The following IMMP2L variants were observed in gnomAD, a reference collection of about 807,000 sequenced individuals.
IMMP2L encodes inner mitochondrial membrane peptidase subunit 2.
IMMP2L carries 18 observed loss-of-function variants against 19.3 expected under a neutral mutation model. That is an observed-to-expected ratio of 0.93 (90% CI 0.64 to 1.38). The LOEUF is 1.38. Ranked by LOEUF, IMMP2L falls within the 40% of genes most tolerant of loss-of-function variation. The pLI is 0.00. For missense variants in IMMP2L, 233 were observed against 218.2 expected (o/e 1.07, Z -0.43); for synonymous variants, 76 against 73.0 (o/e 1.04, Z -0.21).
At chr7:111,229,343 T>C (rs1409645590) in intron 3 of IMMP2L, among the ~76,000 whole-genome samples, 2 of 152,078 alleles carry the variant, frequency 1.3e-5, no homozygotes, top group Non-Finnish European at 2.9e-5. Context: ...TACGTATGTA[T>C]CCATTGATAC....
At chr7:111,557,846 G>A (rs1369223386) in intron 1 of IMMP2L, among the ~76,000 whole-genome samples, 1 of 151,912 alleles carries the variant, frequency 6.6e-6, no homozygotes, top group Non-Finnish European at 1.5e-5. Flanking sequence ...AAAAGGAGGG[G>A]CGAGGTTAAT....
chr7:111,316,686 T>G (rs760455269), intron 3 of IMMP2L, among the ~76,000 whole-genome samples: 1 of 151,932 alleles, frequency 6.6e-6, no homozygotes, highest in Non-Finnish European at 1.5e-5. Flanking sequence ...GGACATCCGA[T>G]AGTCAAAATG....
chr7:110,942,427 C>T (rs564766534), intron 4 of IMMP2L, among the ~76,000 whole-genome samples: 1 of 151,998 alleles, frequency 6.6e-6, no homozygotes, highest in East Asian at 1.9e-4. Flanking sequence ...GTTTTACGAA[C>T]TTGGTCTCCA....
chr7:110,670,725 C>T (rs1016957767), intron 5 of IMMP2L, among the ~76,000 whole-genome samples: 3 of 151,494 alleles, frequency 2.0e-5, no homozygotes, highest in African/African-American at 7.3e-5. Context: ...AAAAAAAACC[C>T]CTAAACAACA....
intron 2 of IMMP2L, among the ~76,000 whole-genome samples, chr7:111,520,271 C>T (rs549124661): frequency 3.9e-5 from 6 of 152,190 alleles, no homozygotes; most frequent in East Asian, 1.9e-4. Context: ...CTGAAAGACA[C>T]GGTTGAGAGC....
At chr7:110,972,931 T>C (rs545427810) in intron 3 of IMMP2L, among the ~76,000 whole-genome samples, 2 of 152,230 alleles carry the variant, frequency 1.3e-5, no homozygotes, top group South Asian at 4.1e-4. Flanking sequence ...ACTCTTCCTA[T>C]GTTTGTCCTT....
chr7:111,385,520 T>C (rs1324463350), intron 3 of IMMP2L, among the ~76,000 whole-genome samples: 3 of 152,188 alleles, frequency 2.0e-5, no homozygotes, highest in African/African-American at 7.2e-5. Flanking sequence ...CAAGTGGTCC[T>C]TTTCATTGAC....
intron 5 of IMMP2L, among the ~76,000 whole-genome samples, chr7:110,840,704 T>C (rs762742453): frequency 2.0e-5 from 3 of 152,168 alleles, no homozygotes; most frequent in Non-Finnish European, 4.4e-5. Context: ...TTTGTGTATA[T>C]GTAACATATT....
chr7:110,757,466 A>G lies in IMMP2L; in HGVS notation c.409-93745T>C, dbSNP rs1177575551. Reference sequence around the variant, plus strand: ...TTGGATCACCAGATACGCTCTCCACATTTCTCTTGAACTCTTTGTCCCAGG... The same window carrying G: ...TTGGATCACCAGATACGCTCTCCACGTTTCTCTTGAACTCTTTGTCCCAGG... On this transcript the variant is annotated intron_variant, in intron 5 of 5. Transcript: ENST00000405709. The surrounding 1 kb of genome is among the most constrained non-coding windows in gnomAD (Gnocchi z 4.2). 1.3e-5 allele frequency among the ~76,000 whole-genome samples: 2 copies of G among 152,040 alleles called. No individual in the cohort carries two copies. Among genetic ancestry groups the G allele is most frequent in the Non-Finnish European group, 1.5e-5 (1 of 68,002 alleles).
At chr7:111,235,993 G>T (rs936782156) in intron 3 of IMMP2L, among the ~76,000 whole-genome samples, 3 of 151,636 alleles carry the variant, frequency 2.0e-5, no homozygotes, top group Non-Finnish European at 4.4e-5. Flanking sequence ...TTCATCTTAG[G>T]TCCTGTAACA....
chr7:110,722,814 A>G (rs1795656579), intron 5 of IMMP2L, among the ~76,000 whole-genome samples: 1 of 152,154 alleles, frequency 6.6e-6, no homozygotes, highest in Admixed American at 6.6e-5. Flanking sequence ...GAGAATACAG[A>G]TGCTAGAAGG....
At chr7:111,075,116 CTTTTTTTTTTTTTT>C (rs55867543) in intron 3 of IMMP2L, among the ~76,000 whole-genome samples, 1 of 75,292 alleles carries the variant, frequency 1.3e-5, no homozygotes, top group African/African-American at 5.0e-5. Flanking sequence ...TGTTTTCAGA[CTTTTTTTTTTTTTT>C]TTTTTTTTTT....
chr7:111,289,795 C>T (rs1820889568), intron 3 of IMMP2L, among the ~76,000 whole-genome samples: 1 of 151,902 alleles, frequency 6.6e-6, no homozygotes, highest in Non-Finnish European at 1.5e-5. Flanking sequence ...AAACTTTTCT[C>T]CAGCCTCAGT....
At position 110,695,047 on chromosome 7, in the gene IMMP2L, CA is replaced by C. The variant is rs143510382; in HGVS notation, c.409-31327del. ...AGATAGAATGTACATTGGTCATTGC[CA>C]GGGGGTGTGAGGATAGGGAAATGGG... is the stretch of plus-strand genomic sequence containing the variant. On this transcript the variant is annotated intron_variant, in intron 5 of 5. Coordinates refer to ENST00000405709, the MANE Select transcript of IMMP2L (RefSeq NM_032549.4). Among the ~76,000 whole-genome samples, 369 of 151,978 alleles carry C rather than the reference CA, an allele frequency of 2.4e-3. 3 individuals are homozygous for C. The highest frequency in any genetic ancestry group is 8.2e-3 in the African/African-American group (339 of 41,466).
intron 3 of IMMP2L, among the ~76,000 whole-genome samples, chr7:111,029,011 T>C (rs1827140012): frequency 1.3e-5 from 2 of 152,168 alleles, no homozygotes; most frequent in Admixed American, 6.6e-5. Context: ...AAAATATCTA[T>C]TAGCCTTCTA....
At position 110,946,743 on chromosome 7, in the gene IMMP2L, C is replaced by T. The variant is rs1223320397; in HGVS notation, c.305+16757G>A. Among the ~76,000 whole-genome samples, 15 of 70,976 alleles carry T rather than the reference C, an allele frequency of 2.1e-4. No individual in the cohort carries two copies. In the South Asian group the frequency reaches 2.5e-3, roughly 12 times the overall value. 46.6% of individuals were successfully genotyped at this position (70,976 alleles called of 152,430 possible). A position where few individuals can be genotyped will look rare whatever the true frequency, so the allele number is the denominator to read the frequency against. On this transcript the variant is annotated intron_variant, in intron 4 of 5. Coordinates refer to ENST00000405709, the MANE Select transcript of IMMP2L (RefSeq NM_032549.4). ...CTTTTTTTTTTTTTTTTTTTTGAGA[C>T]GGAGTCTCGCTCTGTCACCCAGGCT... is the stretch of plus-strand genomic sequence containing the variant.
chr7:110,909,894 GAGAGAGAGAGAGAA>G (rs1327832660), intron 4 of IMMP2L, among the ~76,000 whole-genome samples: 32 of 151,212 alleles, frequency 2.1e-4, no homozygotes, highest in Admixed American at 1.5e-3. Flanking sequence ...ACAGAGGAGA[GAGAGAGAGAGAGAA>G]AGAGAGAGAG....
At chr7:111,363,858 C>G (rs1257889260) in intron 3 of IMMP2L, among the ~76,000 whole-genome samples, 1 of 152,078 alleles carries the variant, frequency 6.6e-6, no homozygotes, top group Non-Finnish European at 1.5e-5. Flanking sequence ...CCTGTACACA[C>G]CACGTGGTTT....
At chr7:111,122,710 A>G in intron 3 of IMMP2L, 1 of 1,273,356 alleles carries the variant, frequency 7.9e-7, no homozygotes, top group Non-Finnish European at 1.1e-6. Flanking sequence ...CTCCTATTGA[A>G]CTTACTAGCA....
Sources: gnomAD v4.1 joint callset for allele counts (sites outside exome capture counted in the v4.1 genomes callset) on GRCh38, gnomAD v4.1.1 for gene constraint, Gnocchi (gnomAD v3.1) non-coding constraint, MANE v1.5 for transcripts, NCBI Gene and HGNC (gene_info 2026-07-23, HGNC 2026-07-21) for gene names.